Variants in DGKD observed in about 807,000 individuals in gnomAD.
DGKD encodes DAG kinase delta.
A neutral mutation model predicts 154.4 loss-of-function variants in DGKD; 68 were observed. That is an observed-to-expected ratio of 0.44 (90% confidence interval 0.36 to 0.54). The LOEUF (loss-of-function observed/expected upper bound fraction) is 0.54, where lower values mean the gene tolerates loss of function less well. DGKD is among the 20% of genes least tolerant of loss of function. The probability of loss-of-function intolerance (pLI) is 0.00; values close to 1 mark genes in which losing one functional copy is unlikely to be tolerated. For missense variants in DGKD, 1,343 were observed against 1,593.6 expected, an observed-to-expected ratio of 0.84 and a Z score of 2.68; for synonymous variants, 693 against 638.0, an observed-to-expected ratio of 1.09 and a Z score of -1.30.
At chr2:233,435,485 T>C (rs957392459) in intron 5 of DGKD, among the ~76,000 whole-genome samples, 14 of 152,180 alleles carry the variant, frequency 9.2e-5, no homozygotes, top group Non-Finnish European at 2.1e-4. Flanking sequence ...AAATTCAAAT[T>C]TGTGCCCGTA....
Position 233,469,454 on chromosome 2 carries a change from G to T in DGKD, c.3639G>T (p.Glu1213Asp). 1.3e-6 allele frequency: 2 copies of T among 1,598,378 alleles called. No homozygotes were observed. Among genetic ancestry groups the T allele is most frequent in the South Asian group, 2.3e-5 (2 of 88,466 alleles). The change falls in exon 30 of 30, where the codon GAG becomes GAT. Residue 1213 changes from glutamate (E) to aspartate (D), a missense_variant. Physicochemically the swap from Glu to Asp is conservative, Grantham distance 45. Around this residue, in one of 6 missense-constraint regions of DGKD, gnomAD observed 429 missense variants for 496.3 expected, o/e 0.86. Transcript: ENST00000264057. ...KELSRSAPAV[E>D]A ...TGAGCCGCAGCGCCCCCGCCGTCGA[G>T]GCCTAGCCTCTGTCCTCTCAGCCTG... is the stretch of plus-strand genomic sequence containing the variant.
intron 1 of DGKD, among the ~76,000 whole-genome samples, chr2:233,369,116 C>T (rs548044080): frequency 3.3e-5 from 5 of 152,260 alleles, no homozygotes; most frequent in African/African-American, 9.6e-5. Flanking sequence ...TTTGTCTCTG[C>T]CTCTCATATT....
chr2:233,444,879 A>AG (rs56937413), intron 10 of DGKD, among the ~76,000 whole-genome samples: 151,877 of 151,878 alleles, frequency 1, 75,938 homozygotes, highest in Non-Finnish European at 1. Context: ...ACTCCACCGC[A>AG]GCCTTCATGG....
In DGKD at chr2:233,470,560, C is replaced by T. The variant is rs2063979802; in HGVS notation, c.*1100C>T. The T allele has an allele frequency of 6.6e-6, 1 of 152,490 alleles. No homozygotes were observed. The highest frequency in any genetic ancestry group is 6.5e-5 in the Admixed American group (1 of 15,290). 9.4% of individuals were successfully genotyped at this position (152,490 alleles called of 1,614,324 possible). On this transcript the variant is annotated 3_prime_UTR_variant, in exon 30 of 30. Coordinates refer to ENST00000264057, the MANE Select transcript of DGKD (RefSeq NM_152879.3). ...TGCCCCTGCCCTGCCTCTGTCCTGG[C>T]TCTGAACTAGTAGATGATGGTGCCA...
rs892608511 is a variant in DGKD, at chr2:233,448,928, G to A, written c.1615-175G>A. On this transcript the variant is annotated intron_variant, in intron 14 of 29. Coordinates refer to ENST00000264057, the MANE Select transcript of DGKD (RefSeq NM_152879.3). ...ATTTCCCACCTGCCAGGGCGGGAAAGGTGGGGATTTGCAAAGGGAGTAGCC... is the reference window on the plus strand; with the variant it reads ...ATTTCCCACCTGCCAGGGCGGGAAAAGTGGGGATTTGCAAAGGGAGTAGCC... Among the ~76,000 whole-genome samples, 14 of 152,326 alleles carry A rather than the reference G, an allele frequency of 9.2e-5. No individual in the cohort carries two copies. The East Asian group carries it at 2.7e-3, about 29-fold the overall frequency.
At chr2:233,463,859 C>G (rs2063745347) in intron 26 of DGKD, 2 of 374,308 alleles carry the variant, frequency 5.3e-6, no homozygotes, top group Non-Finnish European at 1.0e-5. Flanking sequence ...ATTTCCACTG[C>G]TTGACACAGG....
At chr2:233,395,594 T>C (rs1481392608) in intron 3 of DGKD, among the ~76,000 whole-genome samples, 11 of 140,354 alleles carry the variant, frequency 7.8e-5, no homozygotes, top group Non-Finnish European at 1.2e-4. Context: ...TCTCCTCCCC[T>C]CCCCTCCTCT....
chr2:233,455,915 C>A (rs1005790630), intron 19 of DGKD, among the ~76,000 whole-genome samples: 1 of 152,208 alleles, frequency 6.6e-6, no homozygotes, highest in African/African-American at 2.4e-5. Flanking sequence ...AGGGACATAT[C>A]CCTGTACAGC....
intron 1 of DGKD, among the ~76,000 whole-genome samples, chr2:233,357,154 T>C (rs1355881163): frequency 1.3e-5 from 2 of 151,910 alleles, no homozygotes; most frequent in African/African-American, 4.8e-5. Context: ...TCACAAGGGG[T>C]CCATCTGGCA....
chr2:233,405,289 C>T (rs1312510912), intron 3 of DGKD, among the ~76,000 whole-genome samples: 3 of 152,098 alleles, frequency 2.0e-5, no homozygotes, highest in African/African-American at 4.8e-5. Context: ...GAGGCCAAGG[C>T]GGGCAGATCA....
intron 1 of DGKD, among the ~76,000 whole-genome samples, chr2:233,376,850 T>C (rs1343785365): frequency 6.6e-6 from 1 of 152,146 alleles, no homozygotes; most frequent in Non-Finnish European, 1.5e-5. Flanking sequence ...TGGGTGCTGC[T>C]GCGGGTGCTG....
chr2:233,435,046 A>G (rs2062643731), intron 5 of DGKD, 145 bp downstream of exon 5: 1 of 1,153,882 alleles, frequency 8.7e-7, no homozygotes, highest in Admixed American at 2.5e-5. Context: ...CTGTGATGCC[A>G]TTCTTGTTTA....
chr2:233,360,074 A>G (rs935051962), intron 1 of DGKD, among the ~76,000 whole-genome samples: 1 of 152,054 alleles, frequency 6.6e-6, no homozygotes, highest in African/African-American at 2.4e-5. Context: ...TAATAAGATG[A>G]TGCTGAATTT....
chr2:233,411,581 T>C (rs934579056), intron 3 of DGKD, among the ~76,000 whole-genome samples: 16 of 152,236 alleles, frequency 1.1e-4, no homozygotes, highest in African/African-American at 3.9e-4. Flanking sequence ...ATGTAAGTCC[T>C]TTGTCTGATA....
chr2:233,432,316 G>A (rs1383607895), intron 3 of DGKD, among the ~76,000 whole-genome samples: 1 of 95,088 alleles, frequency 1.1e-5, no homozygotes, highest in Non-Finnish European at 2.4e-5. Context: ...ATGAGGTCAG[G>A]AGATTGTGAC....
At position 233,460,260 on chromosome 2, in the gene DGKD, T is replaced by C. The variant is rs770371320; in HGVS notation, c.2896T>C (p.Cys966Arg). The C allele has an allele frequency of 1.2e-6, 2 of 1,614,028 alleles. No individual in the cohort carries two copies. Among genetic ancestry groups the C allele is most frequent in the Non-Finnish European group, 1.7e-6 (2 of 1,179,990 alleles). ...GTGCGAGCTGCCCCGCCCTCCATCC[T>C]GTTCCCTGCACCCGGAGATGCTGTC... Reference protein sequence around the residue: ...QKCELPRPPSCSLHPEMLSEE... With the variant: ...QKCELPRPPSRSLHPEMLSEE... The change falls in exon 24 of 30, where the codon TGT (cysteine) becomes CGT (arginine). Residue 966 changes from cysteine to arginine, a missense_variant. Cys to Arg is a radical substitution (Grantham distance 180). This residue lies in a region of DGKD where 429 missense variants were observed against 496.3 expected (regional missense o/e 0.86). Transcript: ENST00000264057.
At chr2:233,373,862 CAT>C (rs1702441805) in intron 1 of DGKD, among the ~76,000 whole-genome samples, 1 of 151,954 alleles carries the variant, frequency 6.6e-6, no homozygotes, top group South Asian at 2.1e-4. Context: ...ATGACATTAG[CAT>C]CCCTAAACAT....
Position 233,463,481 on chromosome 2 carries a change from G to T in DGKD, c.3187-683G>T, listed in dbSNP as rs1257507991. Among the ~76,000 whole-genome samples, 2 of 48,414 alleles carry T rather than the reference G, an allele frequency of 4.1e-5. 1 individual carries two copies. The highest frequency in any genetic ancestry group is 2.8e-4 in the African/African-American group (2 of 7,048). The allele number at this position is 48,414 out of a possible 152,430, so 31.8% of individuals were successfully genotyped here. A position where few individuals can be genotyped will look rare whatever the true frequency, so the allele number is the denominator to read the frequency against. On this transcript the variant is annotated intron_variant, in intron 26 of 29. Coordinates refer to ENST00000264057, the MANE Select transcript of DGKD (RefSeq NM_152879.3). ...CCACGCATGTCCTCACTGCACGCAT[G>T]TCCTCACTGCACGCATGTCCTCACT...
chr2:233,435,647 C>T (rs1193283895), intron 5 of DGKD, among the ~76,000 whole-genome samples, 171 bp from the exon 6 acceptor site: 1 of 152,160 alleles, frequency 6.6e-6, no homozygotes, highest in Non-Finnish European at 1.5e-5. Flanking sequence ...CGCTGCCGGT[C>T]CCACCGCCAT....
Sources: allele counts gnomAD v4.1 joint callset (sites outside exome capture counted in the v4.1 genomes callset), GRCh38; gene constraint gnomAD v4.1.1; regional missense constraint gnomAD v4.1.1; transcripts MANE v1.5; gene names NCBI Gene and HGNC (gene_info 2026-07-23, HGNC 2026-07-21).